UFD1: variants seen among roughly 807,000 people sequenced by gnomAD.
UFD1 encodes ubiquitin recognition factor in ER-associated degradation protein 1.
In UFD1, 13 loss-of-function variants were observed where a neutral mutation model predicts 45.9. That is an observed-to-expected ratio of 0.28 (90% confidence interval 0.18 to 0.45). The LOEUF is 0.45. UFD1 is among the 20% of genes least tolerant of loss of function. The pLI, the probability that UFD1 is intolerant of heterozygous loss-of-function variation, is 1.00. For synonymous variants in UFD1, 128 were observed against 139.2 expected, an observed-to-expected ratio of 0.92 and a Z score of 0.56; for missense variants, 218 against 389.2, an observed-to-expected ratio of 0.56 and a Z score of 3.70.
At chr22:19,450,765 C>T in intron 11 of UFD1, 21 bp from the exon 12 acceptor site, 1 of 1,614,068 alleles carries the variant, frequency 6.2e-7, no homozygotes, top group Non-Finnish European at 8.5e-7. Flanking sequence ...AGAGAAGATA[C>T]TATTTTCAGA....
rs184859840 is a variant in UFD1, at chr22:19,468,076, T to C, written c.292-73A>G. ...TCCACAACCACTGCTCCCTATACAC[T>C]GGGCAGGCCCGTCTTACTTGGGTCC... On this transcript the variant is annotated intron_variant, in intron 4 of 11. Transcript: ENST00000263202. 1.3e-4 allele frequency: 205 copies of C among 1,563,698 alleles called. 2 individuals are homozygous for C. In the East Asian group the frequency reaches 4.0e-3, roughly 31 times the overall value.
At chr22:19,462,692 A>G (rs538269758) in intron 6 of UFD1, among the ~76,000 whole-genome samples, 1 of 152,142 alleles carries the variant, frequency 6.6e-6, no homozygotes, top group African/African-American at 2.4e-5. Flanking sequence ...AGTAAGTCTA[A>G]AGACTTACTC....
intron 11 of UFD1, chr22:19,451,996 G>A: frequency 1.1e-6 from 1 of 949,916 alleles, no homozygotes; most frequent in South Asian, 4.9e-5. Context: ...CCTCCTAGGA[G>A]CTTCCTGAGA....
intron 5 of UFD1, chr22:19,465,735 G>A (rs886714396): frequency 1.3e-5 from 2 of 153,008 alleles, no homozygotes; most frequent in South Asian, 2.0e-4. Flanking sequence ...TTATACCATG[G>A]GATTTTAAAA....
chr22:19,467,830 C>G (rs1382125635), intron 5 of UFD1, 43 bp downstream of exon 5: 2 of 1,610,026 alleles, frequency 1.2e-6, no homozygotes, highest in Non-Finnish European at 1.7e-6. Context: ...CGCCAGCACA[C>G]TCTCCTTTGT....
intron 3 of UFD1, 91 bp downstream of exon 3, chr22:19,474,977 C>G: frequency 7.8e-7 from 1 of 1,279,638 alleles, no homozygotes; most frequent in East Asian, 2.4e-5. Context: ...ACAAAGGGCA[C>G]TGGTGTCTGG....
chr22:19,455,226 C>A (rs1026189519), intron 10 of UFD1, among the ~76,000 whole-genome samples: 3 of 152,206 alleles, frequency 2.0e-5, no homozygotes, highest in African/African-American at 7.2e-5. Context: ...GAGGAAGGGT[C>A]TGCTGTGGGT....
rs1215253870 is a variant in UFD1, at chr22:19,463,976, G to A, written c.495+1226C>T. On this transcript the variant is annotated intron_variant, in intron 6 of 11. Coordinates refer to ENST00000263202, the MANE Select transcript of UFD1 (RefSeq NM_005659.7). ...ACATTAAAAACAATAACATTAAACT[G>A]CCTGTAATTAATTATAAAAGCTTAG... Among the ~76,000 whole-genome samples, 6 of 152,078 alleles carry A rather than the reference G, an allele frequency of 3.9e-5. No homozygotes were observed. The East Asian group carries it at 9.6e-4, about 24-fold the overall frequency.
Position 19,454,911 on chromosome 22 carries a change from G to A in UFD1, c.768-81C>T, listed in dbSNP as rs113116276. 4.1e-5 allele frequency: 60 copies of A among 1,472,710 alleles called. No homozygotes were observed. In the African/African-American group the frequency reaches 5.2e-4, roughly 13 times the overall value. 91.2% of individuals were successfully genotyped at this position (1,472,710 alleles called of 1,614,324 possible). A position where few individuals can be genotyped will look rare whatever the true frequency, so the allele number is the denominator to read the frequency against. On this transcript the variant is annotated intron_variant, in intron 10 of 11. Transcript: ENST00000263202. Reference sequence around the variant, plus strand: ...TTCATTTTTGACAGTCAAGAGGAACGCAGAAAAGATGCTGCTGCACCCCAC... The same window carrying A: ...TTCATTTTTGACAGTCAAGAGGAACACAGAAAAGATGCTGCTGCACCCCAC...
intron 8 of UFD1, 69 bp downstream of exon 8, chr22:19,456,784 C>A: frequency 6.2e-7 from 1 of 1,613,090 alleles, no homozygotes; most frequent in South Asian, 1.1e-5. Context: ...AGGCCACCCA[C>A]GAGCCACTGC....
At chr22:19,479,012 C>A in intron 1 of UFD1, 71 bp downstream of exon 1, 5 of 1,491,458 alleles carry the variant, frequency 3.4e-6, no homozygotes, top group South Asian at 1.2e-5. Flanking sequence ...CCGCCCCGCC[C>A]TGCCCCGCCG....
In UFD1 at chr22:19,475,594, G is replaced by C; in HGVS notation, c.12C>G (p.Phe4Leu). 6.2e-7 allele frequency: 1 copy of C among 1,614,176 alleles called. No homozygotes were observed. The highest frequency in any genetic ancestry group is 1.3e-5 in the African/African-American group (1 of 75,034). ...TGGGAATAGGGTGGTCGAACATGTT[G>C]AAAGAGAACTAGAAGGAGGAAAGAG... MFS[F>L]NMFDHPIPRV... The change falls in exon 2 of 12, where the codon TTC becomes TTG. Residue 4 changes from phenylalanine (F) to leucine (L), a missense_variant. Around this residue, in one of 2 missense-constraint regions of UFD1, gnomAD observed 149 missense variants for 307.5 expected, o/e 0.48. Transcript: ENST00000263202.
chr22:19,477,333 G>C (rs1014719785), intron 1 of UFD1, among the ~76,000 whole-genome samples: 1 of 152,078 alleles, frequency 6.6e-6, no homozygotes, highest in African/African-American at 2.4e-5. Context: ...ATTGTGGTAT[G>C]GTATATACAT....
Position 19,450,546 on chromosome 22 carries a change from CTAAA to C in UFD1, c.*120_*123del, listed in dbSNP as rs1358143438. 12 of 1,255,692 alleles carry C rather than the reference CTAAA, an allele frequency of 9.6e-6. No homozygotes were observed. Among genetic ancestry groups the C allele is most frequent in the Admixed American group, 6.3e-5 (3 of 47,620 alleles). The allele number at this position is 1,255,692 out of a possible 1,614,324, so 77.8% of individuals were successfully genotyped here. On this transcript the variant is annotated 3_prime_UTR_variant, in exon 12 of 12. Coordinates refer to ENST00000263202, the MANE Select transcript of UFD1 (RefSeq NM_005659.7). Reference sequence around the variant, plus strand: ...CAAACTTAATAATTCTTAGGTAACTCTAAATAAATCTTAAGTAACAGAGTATTCT... The same window carrying C: ...CAAACTTAATAATTCTTAGGTAACTCTAAATCTTAAGTAACAGAGTATTCT...
In UFD1 at chr22:19,479,145, G is replaced by C. The variant is rs1375154002; in HGVS notation, c.-60C>G. ...GGCAATGCAACGAAGAAACCCCGCC[G>C]ACCGCTCTCCCAGCCGCCGCTGCCG... On this transcript the variant is annotated 5_prime_UTR_variant, in exon 1 of 12. Coordinates refer to ENST00000263202, the MANE Select transcript of UFD1 (RefSeq NM_005659.7). The C allele has an allele frequency of 1.9e-6, 3 of 1,594,648 alleles. No individual in the cohort carries two copies. The highest frequency in any genetic ancestry group is 1.7e-6 in the Non-Finnish European group (2 of 1,171,846).
At chr22:19,467,363 G>A (rs1568899635) in intron 5 of UFD1, 1 of 156,232 alleles carries the variant, frequency 6.4e-6, no homozygotes, top group Non-Finnish European at 1.4e-5. Context: ...AAGTTCAGAG[G>A]TGAACAAAAA....
At chr22:19,469,902 T>G (rs752670406) in intron 4 of UFD1, 1 of 517,458 alleles carries the variant, frequency 1.9e-6, no homozygotes, top group Admixed American at 1.9e-5. Context: ...GTCCAACAGC[T>G]TGGACAAGAG....
intron 6 of UFD1, among the ~76,000 whole-genome samples, chr22:19,458,755 T>C (rs1448741362): frequency 6.6e-6 from 1 of 152,190 alleles, no homozygotes; most frequent in Non-Finnish European, 1.5e-5. Context: ...CGAAATTTAT[T>C]CTAAGTAAAT....
intron 11 of UFD1, chr22:19,454,216 C>T (rs907538467): frequency 1.0e-6 from 1 of 992,510 alleles, no homozygotes; most frequent in Non-Finnish European, 1.2e-6. Context: ...GTTTCATACA[C>T]CCTACACCAG....
Sources: allele counts gnomAD v4.1 joint callset (sites outside exome capture counted in the v4.1 genomes callset), GRCh38; gene constraint gnomAD v4.1.1; regional missense constraint gnomAD v4.1.1; transcripts MANE v1.5; gene names NCBI Gene and HGNC (gene_info 2026-07-23, HGNC 2026-07-21).